The following DTWD2 variants were observed in gnomAD, a reference collection of about 807,000 sequenced individuals.
The protein encoded by DTWD2 is DTW motif tRNA-uridine aminocarboxypropyltransferase 2.
Under a neutral mutation model 31.8 loss-of-function variants are expected in DTWD2, and 39 were observed. That is an observed-to-expected ratio of 1.22 (90% CI 0.95 to 1.60). The LOEUF (loss-of-function observed/expected upper bound fraction) is 1.60, where lower values mean the gene tolerates loss of function less well. DTWD2 is among the 40% of genes most tolerant of loss of function. The pLI is 0.00. For missense variants in DTWD2, 515 were observed against 381.5 expected, an observed-to-expected ratio of 1.35 and a Z score of -2.92; for synonymous variants, 180 against 142.8, an observed-to-expected ratio of 1.26 and a Z score of -1.86.
At chr5:118,862,137 G>A (rs1227871687) in intron 4 of DTWD2, among the ~76,000 whole-genome samples, 1 of 152,162 alleles carries the variant, frequency 6.6e-6, no homozygotes, top group Non-Finnish European at 1.5e-5. Context: ...CACATGACAG[G>A]GATCTAGGTT....
rs566231253 is a variant in DTWD2 at position 118,920,474 on chromosome 5, C to G, written c.597+8063G>C. On this transcript the variant is annotated intron_variant, in intron 4 of 5. Transcript: ENST00000510708. The stretch of plus-strand genomic sequence containing the variant: ...AGTACAGGTGTGAGGTTACCTGGAA[C>G]GGGGGCAGAGATTAACTTTTGCTTT... Among the ~76,000 whole-genome samples the G allele has an allele frequency of 7.3e-4, 111 of 152,132 alleles. 3 individuals are homozygous for G. In the Middle Eastern group the frequency reaches 0.01, roughly 14 times the overall value.
chr5:118,910,460 C>T (rs757687023), intron 4 of DTWD2, among the ~76,000 whole-genome samples: 6 of 152,200 alleles, frequency 3.9e-5, no homozygotes, highest in Non-Finnish European at 8.8e-5. Context: ...TTACTATCCA[C>T]ATTTTTACCA....
chr5:118,840,039 CAT>C lies in DTWD2; in HGVS notation c.*876_*877del, dbSNP rs1158798923. 1 of 152,092 alleles carries C rather than the reference CAT, an allele frequency of 6.6e-6. No individual in the cohort carries two copies. The highest frequency in any genetic ancestry group is 2.4e-5 in the African/African-American group (1 of 41,408). 9.4% of individuals were successfully genotyped at this position (152,092 alleles called of 1,614,324 possible). On this transcript the variant is annotated 3_prime_UTR_variant, in exon 6 of 6. Transcript: ENST00000510708. ...GCTGAATATACATATATGTTACATACATGTCTCTTATTCTATACAAAATCTCA... is the reference window on the plus strand; with the variant it reads ...GCTGAATATACATATATGTTACATACGTCTCTTATTCTATACAAAATCTCA...
intron 1 of DTWD2, among the ~76,000 whole-genome samples, chr5:118,977,549 A>G (rs1481673437): frequency 2.0e-5 from 3 of 152,206 alleles, no homozygotes; most frequent in Non-Finnish European, 2.9e-5. Context: ...AACAACAGGC[A>G]AGCAGACAGC....
chr5:118,911,071 C>G (rs1238411515), intron 4 of DTWD2, among the ~76,000 whole-genome samples: 2 of 152,160 alleles, frequency 1.3e-5, no homozygotes, highest in African/African-American at 4.8e-5. Context: ...CACCATATAT[C>G]TGATCATGAC....
At chr5:118,932,300 G>A (rs1462375421) in intron 3 of DTWD2, among the ~76,000 whole-genome samples, 1 of 144,754 alleles carries the variant, frequency 6.9e-6, no homozygotes, top group African/African-American at 2.6e-5. Flanking sequence ...AATGTAGCAA[G>A]ACTCTGTCTT....
At chr5:118,966,022 T>A (rs1754839540) in intron 1 of DTWD2, among the ~76,000 whole-genome samples, 1 of 151,976 alleles carries the variant, frequency 6.6e-6, no homozygotes, top group Non-Finnish European at 1.5e-5. Context: ...AATTCCTTGT[T>A]TTTCACTTGC....
intron 4 of DTWD2, among the ~76,000 whole-genome samples, chr5:118,887,937 G>T (rs1162840430): frequency 6.6e-6 from 1 of 152,130 alleles, no homozygotes; most frequent in African/African-American, 2.4e-5. Flanking sequence ...TACCATGCCT[G>T]GCCAGTTCTA....
At chr5:118,894,016 G>C (rs2149561750) in intron 4 of DTWD2, among the ~76,000 whole-genome samples, 1 of 151,580 alleles carries the variant, frequency 6.6e-6, no homozygotes, top group South Asian at 2.1e-4. Flanking sequence ...CACCCAGCCT[G>C]GGTGACAGAG....
chr5:118,862,920 A>T (rs186156259), intron 4 of DTWD2, among the ~76,000 whole-genome samples: 190 of 152,298 alleles, frequency 1.2e-3, no homozygotes, highest in African/African-American at 4.4e-3. Flanking sequence ...TGATAAAAGG[A>T]GAGAGAGATG....
chr5:118,867,602 T>C (rs921605366), intron 4 of DTWD2, among the ~76,000 whole-genome samples: 3 of 152,152 alleles, frequency 2.0e-5, no homozygotes, highest in Non-Finnish European at 4.4e-5. Context: ...TATGGAAGCA[T>C]CTCAAAAAAA....
intron 4 of DTWD2, among the ~76,000 whole-genome samples, chr5:118,914,244 T>C (rs967215914): frequency 5.3e-5 from 8 of 152,184 alleles, no homozygotes; most frequent in African/African-American, 1.7e-4. Context: ...CATGAATAGA[T>C]TAATACCATC....
intron 4 of DTWD2, among the ~76,000 whole-genome samples, chr5:118,850,477 CA>C (rs34808087): frequency 0.041 from 1,243 of 30,200 alleles, 3 homozygotes; most frequent in Non-Finnish European, 0.05. Context: ...GACCCCACCA[CA>C]AAAAAAAAAA....
At chr5:118,956,858 T>A (rs1754599258) in intron 1 of DTWD2, among the ~76,000 whole-genome samples, 1 of 152,148 alleles carries the variant, frequency 6.6e-6, no homozygotes, top group African/African-American at 2.4e-5. Context: ...ATAGATACAC[T>A]GCATTACACA....
chr5:118,902,025 A>G (rs927476004), intron 4 of DTWD2, among the ~76,000 whole-genome samples: 7 of 152,324 alleles, frequency 4.6e-5, no homozygotes, highest in African/African-American at 1.7e-4. Context: ...AAGTATTTTG[A>G]ACAATTTACC....
intron 4 of DTWD2, among the ~76,000 whole-genome samples, chr5:118,920,604 T>C (rs1336912061): frequency 7.6e-6 from 1 of 131,444 alleles, no homozygotes; most frequent in Non-Finnish European, 1.5e-5. Flanking sequence ...TTAGATTTTA[T>C]CTAATTCTTC....
chr5:118,947,246 T>C (rs1754359757), intron 1 of DTWD2, among the ~76,000 whole-genome samples: 1 of 152,092 alleles, frequency 6.6e-6, no homozygotes, highest in South Asian at 2.1e-4. Context: ...TGTGATACAG[T>C]GCTCTTTTAG....
At position 118,839,962 on chromosome 5, in the gene DTWD2, A is replaced by AT. The variant is rs1751672146; in HGVS notation, c.*954_*955insA. 6.6e-6 allele frequency: 1 copy of AT among 152,172 alleles called. No individual in the cohort carries two copies. Among genetic ancestry groups the AT allele is most frequent in the Non-Finnish European group, 1.5e-5 (1 of 68,026 alleles). 9.4% of individuals were successfully genotyped at this position (152,172 alleles called of 1,614,324 possible). ...CTCTAGAACTCATAAACAAAGACTA[A>AT]ACAAAATCCCCTCTTCCTGCCAAAA... On this transcript the variant is annotated 3_prime_UTR_variant, in exon 6 of 6. Transcript: ENST00000510708.
intron 4 of DTWD2, among the ~76,000 whole-genome samples, chr5:118,861,250 T>C (rs1349227830): frequency 5.9e-5 from 9 of 152,176 alleles, no homozygotes; most frequent in Admixed American, 5.2e-4. Flanking sequence ...AGCCTAAAGT[T>C]TGATGTTCTA....
Sources: gnomAD v4.1 joint callset for allele counts (sites outside exome capture counted in the v4.1 genomes callset) on GRCh38, gnomAD v4.1.1 for gene constraint, MANE v1.5 for transcripts, NCBI Gene and HGNC (gene_info 2026-07-23, HGNC 2026-07-21) for gene names.